Variants in STX8 observed in about 807,000 individuals in gnomAD.
The protein encoded by STX8 is syntaxin-8.
Under a neutral mutation model 37.5 loss-of-function variants are expected in STX8, and 23 were observed. The observed-to-expected ratio is 0.61, with a 90% CI of 0.44 to 0.87. The LOEUF is 0.87. Among genes scored for constraint, STX8 ranks in the 40% least tolerant of loss-of-function variants. STX8 has a pLI of 0.00. For synonymous variants in STX8, 115 were observed against 99.1 expected (o/e 1.16, Z -0.95); for missense variants, 313 against 284.7 (o/e 1.10, Z -0.71).
intron 6 of STX8, chr17:9,469,059 G>C (rs1266823583): frequency 1.3e-5 from 2 of 152,170 alleles, no homozygotes; most frequent in Non-Finnish European, 2.9e-5. Context: ...CAGATGGTTA[G>C]AAAAATTGCT....
chr17:9,407,294 G>C (rs936033028), intron 6 of STX8, among the ~76,000 whole-genome samples: 1 of 152,124 alleles, frequency 6.6e-6, no homozygotes, highest in African/African-American at 2.4e-5. Flanking sequence ...CTCCCAAAGT[G>C]CTGGGATTAA....
At chr17:9,413,828 G>T (rs1463394348) in intron 6 of STX8, among the ~76,000 whole-genome samples, 2 of 152,112 alleles carry the variant, frequency 1.3e-5, no homozygotes, top group African/African-American at 4.8e-5. Context: ...AAAAAAACTT[G>T]CAGGGACAGC....
At chr17:9,549,415 CTT>C (rs1163004579) in intron 3 of STX8, among the ~76,000 whole-genome samples, 1 of 152,184 alleles carries the variant, frequency 6.6e-6, no homozygotes, top group East Asian at 1.9e-4. Context: ...TCCCAGTTCT[CTT>C]GTTTTGCTGA....
At chr17:9,256,515 A>G (rs759526713) in intron 7 of STX8, among the ~76,000 whole-genome samples, 9 of 152,236 alleles carry the variant, frequency 5.9e-5, no homozygotes, top group Admixed American at 3.3e-4. Context: ...GGATCCATTC[A>G]TGGCCTGTCT....
intron 6 of STX8, among the ~76,000 whole-genome samples, chr17:9,397,769 C>A (rs1912456011): frequency 6.6e-6 from 1 of 151,848 alleles, no homozygotes; most frequent in Non-Finnish European, 1.5e-5. Flanking sequence ...GAGGTCAGTT[C>A]AAGACCAGCC....
intron 4 of STX8, among the ~76,000 whole-genome samples, chr17:9,536,457 ATC>A (rs1374043495): frequency 6.6e-6 from 1 of 152,142 alleles, no homozygotes; most frequent in African/African-American, 2.4e-5. Context: ...GAGCAGGGTA[ATC>A]TGTTATATGT....
chr17:9,433,169 T>C (rs183302886), intron 6 of STX8, among the ~76,000 whole-genome samples: 1 of 152,336 alleles, frequency 6.6e-6, no homozygotes, highest in Admixed American at 6.5e-5. Flanking sequence ...TCCTAAGATT[T>C]ATTCTTTGAC....
In STX8 at chr17:9,262,668, G is replaced by A. The variant is rs192084069; in HGVS notation, c.644-12023C>T. Among the ~76,000 whole-genome samples the A allele has an allele frequency of 3.3e-3, 504 of 151,678 alleles. 2 individuals are homozygous for A. The highest frequency in any genetic ancestry group is 9.5e-3 in the African/African-American group (391 of 41,320). ...GAGATCTCGGCTCACTGCAGCCTCC[G>A]CCTCCCAGGTTCAAGCAATTCTCCT... is the stretch of plus-strand genomic sequence containing the variant. On this transcript the variant is annotated intron_variant, in intron 7 of 7. Coordinates refer to ENST00000306357, the MANE Select transcript of STX8 (RefSeq NM_004853.3).
chr17:9,287,471 T>C (rs1908120951), intron 7 of STX8, among the ~76,000 whole-genome samples: 1 of 152,040 alleles, frequency 6.6e-6, no homozygotes, highest in African/African-American at 2.4e-5. Flanking sequence ...ATGCTGGAAA[T>C]AGGGAGATGA....
At chr17:9,288,128 C>A (rs932351591) in intron 7 of STX8, among the ~76,000 whole-genome samples, 120 of 14,642 alleles carry the variant, frequency 8.2e-3, no homozygotes, top group Non-Finnish European at 0.011. Context: ...GCAAAACAAA[C>A]AAACAAACAA....
In STX8 at chr17:9,365,485, T is replaced by C. The variant is rs914388297; in HGVS notation, c.643+13067A>G. On this transcript the variant is annotated intron_variant, in intron 7 of 7. Coordinates refer to ENST00000306357, the MANE Select transcript of STX8 (RefSeq NM_004853.3). ...AAAGAACATGTAGACATGGAAAAGG[T>C]GTTGCAGGCAATCAAGAGAAACTAG... is the stretch of plus-strand genomic sequence containing the variant. Among the ~76,000 whole-genome samples the C allele has an allele frequency of 7.9e-5, 12 of 152,230 alleles. 1 individual carries two copies. Among genetic ancestry groups the C allele is most frequent in the Admixed American group, 3.3e-4 (5 of 15,270 alleles).
intron 7 of STX8, chr17:9,283,159 C>T (rs1260566634): frequency 6.6e-6 from 1 of 152,162 alleles, no homozygotes; most frequent in South Asian, 2.1e-4. Flanking sequence ...TATCTTTACT[C>T]TGACAAAAAG....
At chr17:9,373,842 G>C (rs1018235228) in intron 7 of STX8, among the ~76,000 whole-genome samples, 6 of 151,754 alleles carry the variant, frequency 4.0e-5, no homozygotes, top group Admixed American at 6.6e-5. Context: ...AGGAGGCTGA[G>C]GCAGGAGAAT....
At chr17:9,372,503 A>G (rs1290265785) in intron 7 of STX8, among the ~76,000 whole-genome samples, 1 of 151,828 alleles carries the variant, frequency 6.6e-6, no homozygotes, top group Non-Finnish European at 1.5e-5. Context: ...TCTGAGATGG[A>G]GTCATGCTTT....
chr17:9,445,493 G>GC (rs1230804637), intron 6 of STX8, among the ~76,000 whole-genome samples: 4 of 124,694 alleles, frequency 3.2e-5, no homozygotes, highest in Non-Finnish European at 6.7e-5. Context: ...TGGCCGGGGA[G>GC]GGGGGGATGG....
At chr17:9,459,916 G>T (rs193134298) in intron 6 of STX8, among the ~76,000 whole-genome samples, 134 of 152,294 alleles carry the variant, frequency 8.8e-4, no homozygotes, top group African/African-American at 2.9e-3. Context: ...CATCTAGAAG[G>T]ATGCTGCAGC....
chr17:9,561,664 C>CAAAAAA (rs11353116), intron 2 of STX8, among the ~76,000 whole-genome samples: 32 of 66,652 alleles, frequency 4.8e-4, no homozygotes, highest in South Asian at 6.8e-4. Flanking sequence ...TCCATCTGGC[C>CAAAAAA]AAAAAAAAAA....
At chr17:9,383,578 G>A (rs759815646) in intron 6 of STX8, among the ~76,000 whole-genome samples, 6 of 152,148 alleles carry the variant, frequency 3.9e-5, no homozygotes, top group Non-Finnish European at 5.9e-5. Flanking sequence ...AGGCTATGAC[G>A]TCTATTCTGA....
chr17:9,484,402 A>G (rs1483176283), intron 6 of STX8, among the ~76,000 whole-genome samples: 1 of 150,746 alleles, frequency 6.6e-6, no homozygotes, highest in East Asian at 1.9e-4. Context: ...AAAAAAAAAA[A>G]GTCAGCAGTA....
Sources: gnomAD v4.1 joint callset for allele counts (sites outside exome capture counted in the v4.1 genomes callset) on GRCh38, gnomAD v4.1.1 for gene constraint, MANE v1.5 for transcripts, NCBI Gene and HGNC (gene_info 2026-07-23, HGNC 2026-07-21) for gene names.